The following TDRD9 variants were observed in gnomAD, a reference collection of about 807,000 sequenced individuals.
TDRD9 encodes tudor domain containing 9, also known as ATP-dependent RNA helicase TDRD9.
TDRD9 carries 124 observed loss-of-function variants against 172.6 expected under a neutral mutation model. The ratio of observed to expected loss-of-function variants is 0.72; its 90% CI spans 0.62 to 0.83. The LOEUF (loss-of-function observed/expected upper bound fraction) is 0.83. TDRD9 is among the 40% of genes least tolerant of loss of function. The pLI is 0.00. For missense variants in TDRD9, 1,479 were observed against 1,714.1 expected (o/e 0.86, Z 2.42); for synonymous variants, 619 against 617.1 (o/e 1.00, Z -0.05).
chr14:104,042,491 C>T (rs1012374618), intron 34 of TDRD9, among the ~76,000 whole-genome samples: 3 of 152,058 alleles, frequency 2.0e-5, no homozygotes, highest in Non-Finnish European at 2.9e-5. Context: ...TGGGGGAGTC[C>T]GGCTTGTAGG....
chr14:104,027,052 C>G, intron 28 of TDRD9, 113 bp downstream of exon 28: 1 of 1,175,276 alleles, frequency 8.5e-7, no homozygotes, highest in Non-Finnish European at 1.2e-6. Context: ...TCCTCTTCAC[C>G]ATTTGGTTTG....
At chr14:103,941,534 C>T (rs2031233070) in intron 1 of TDRD9, 1 of 1,535,240 alleles carries the variant, frequency 6.5e-7, no homozygotes, top group South Asian at 1.2e-5. Context: ...CTGTTTTTTT[C>T]ACTTTTTGTT....
chr14:103,991,259 A>G, intron 9 of TDRD9, 35 bp downstream of exon 9: 1 of 1,609,396 alleles, frequency 6.2e-7, no homozygotes. Flanking sequence ...TTGGAATCAT[A>G]ATACTCTGGA....
At chr14:104,031,889 A>T (rs552946233) in intron 29 of TDRD9, 128 bp from the exon 30 acceptor site, 1 of 623,238 alleles carries the variant, frequency 1.6e-6, no homozygotes, top group South Asian at 2.7e-5. Context: ...TAACTGAATC[A>T]TAAAGACATT....
intron 21 of TDRD9, among the ~76,000 whole-genome samples, chr14:104,015,722 C>T (rs575222007): frequency 6.6e-6 from 1 of 152,278 alleles, no homozygotes; most frequent in South Asian, 2.1e-4. Context: ...AAGCCTCATT[C>T]TGAGAAGTAC....
At chr14:104,023,804 A>G (rs2035035218) in intron 24 of TDRD9, among the ~76,000 whole-genome samples, 1 of 152,098 alleles carries the variant, frequency 6.6e-6, no homozygotes, top group Non-Finnish European at 1.5e-5. Context: ...GGTTTCTGAG[A>G]GTTTGGGAGT....
intron 3 of TDRD9, among the ~76,000 whole-genome samples, chr14:103,964,832 CT>C (rs571098669): frequency 9.3e-4 from 142 of 152,258 alleles, no homozygotes; most frequent in African/African-American, 3.2e-3. Context: ...CCACTAATTA[CT>C]GTTAAATAGG....
chr14:104,018,073 T>A lies in TDRD9; in HGVS notation c.2332-19T>A. On this transcript the variant is annotated intron_variant, in intron 22 of 35. Transcript: ENST00000409874. The stretch of plus-strand genomic sequence containing the variant: ...GTTAGCTCTAGTAATCTGCTCTGAT[T>A]TTGTGTTATATTTTACAGTTGAAAC... The A allele has an allele frequency of 6.9e-7, 1 of 1,442,066 alleles. No homozygotes were observed. The highest frequency in any genetic ancestry group is 9.7e-7 in the Non-Finnish European group (1 of 1,032,454). 89.3% of individuals were successfully genotyped at this position (1,442,066 alleles called of 1,614,324 possible). A position where few individuals can be genotyped will look rare whatever the true frequency, so the allele number is the denominator to read the frequency against.
At chr14:104,020,882 G>A (rs1365040927) in intron 23 of TDRD9, among the ~76,000 whole-genome samples, 1 of 152,140 alleles carries the variant, frequency 6.6e-6, no homozygotes, top group Non-Finnish European at 1.5e-5. Flanking sequence ...CATCCAGCAG[G>A]CACCTTTTGC....
At chr14:103,945,246 C>T (rs952163403) in intron 1 of TDRD9, among the ~76,000 whole-genome samples, 13 of 152,340 alleles carry the variant, frequency 8.5e-5, no homozygotes, top group Admixed American at 3.3e-4. Flanking sequence ...TCTTCCTTCT[C>T]CACTTACTTG....
chr14:104,036,586 C>T (rs912064835), intron 32 of TDRD9, among the ~76,000 whole-genome samples: 5 of 152,172 alleles, frequency 3.3e-5, no homozygotes, highest in Non-Finnish European at 7.3e-5. Flanking sequence ...CCTGCTTCAC[C>T]TCTTTTAAAC....
intron 5 of TDRD9, 69 bp downstream of exon 5, chr14:103,966,900 AC>A: frequency 7.3e-7 from 1 of 1,377,094 alleles, no homozygotes; most frequent in Non-Finnish European, 9.6e-7. Context: ...AGTATTGTGA[AC>A]CCTGTCTTTG....
chr14:104,024,726 C>A (rs1328707795), intron 25 of TDRD9, 46 bp downstream of exon 25: 5 of 1,011,562 alleles, frequency 4.9e-6, no homozygotes, highest in Admixed American at 3.7e-5. Context: ...AATCTAAAAT[C>A]ATCATGTTGT....
At chr14:103,939,413 G>A (rs2152118461) in intron 1 of TDRD9, among the ~76,000 whole-genome samples, 1 of 152,116 alleles carries the variant, frequency 6.6e-6, no homozygotes, top group South Asian at 2.1e-4. Flanking sequence ...TACTTTTCGG[G>A]GCATTTATCT....
At chr14:104,021,394 T>G (rs547699135) in intron 23 of TDRD9, among the ~76,000 whole-genome samples, 1 of 152,264 alleles carries the variant, frequency 6.6e-6, no homozygotes, top group South Asian at 2.1e-4. Flanking sequence ...TTTATATCAC[T>G]TGGCAATCAA....
intron 8 of TDRD9, among the ~76,000 whole-genome samples, chr14:103,987,974 T>C (rs1471912084): frequency 2.6e-5 from 4 of 152,212 alleles, no homozygotes; most frequent in African/African-American, 7.2e-5. Context: ...TCCTGATTGA[T>C]TCACCCATTT....
chr14:103,941,676 A>G (rs1441471641), intron 1 of TDRD9: 1 of 1,520,776 alleles, frequency 6.6e-7, no homozygotes. Context: ...GGGCCATTTC[A>G]TCCAGCCAAA....
In TDRD9 at chr14:104,004,218, T is replaced by G. The variant is rs751472330; in HGVS notation, c.1484-20T>G. 3.7e-6 allele frequency: 5 copies of G among 1,340,794 alleles called. No individual in the cohort carries two copies. In the East Asian group the frequency reaches 1.2e-4, roughly 31 times the overall value. The allele number at this position is 1,340,794 out of a possible 1,614,324, so 83.1% of individuals were successfully genotyped here. A position where few individuals can be genotyped will look rare whatever the true frequency, so the allele number is the denominator to read the frequency against. ...AAAGTAATTAATGCCAAACACTGTT[T>G]GCACATCTCTCCTTTGAAGGCCGTG... On this transcript the variant is annotated intron_variant, in intron 13 of 35. Transcript: ENST00000409874.
intron 1 of TDRD9, among the ~76,000 whole-genome samples, chr14:103,933,649 C>A (rs777876382): frequency 6.6e-6 from 1 of 152,202 alleles, no homozygotes; most frequent in Admixed American, 6.5e-5. Context: ...CTCAAGCAAT[C>A]TGCCTGCCTC....
Sources: gnomAD v4.1 joint callset for allele counts (sites outside exome capture counted in the v4.1 genomes callset) on GRCh38, gnomAD v4.1.1 for gene constraint, MANE v1.5 for transcripts, NCBI Gene and HGNC (gene_info 2026-07-23, HGNC 2026-07-21) for gene names.